The following SNAP25 variants were observed in gnomAD, a reference collection of about 807,000 sequenced individuals.
SNAP25 encodes synaptosome associated protein 25.
In SNAP25, 3 loss-of-function variants were observed where a neutral mutation model predicts 28.7. The observed-to-expected ratio is 0.10, with a 90% CI of 0.05 to 0.27. The LOEUF (loss-of-function observed/expected upper bound fraction) is 0.27. Among genes scored for constraint, SNAP25 ranks in the 10% least tolerant of loss-of-function variants. The pLI, the probability that SNAP25 is intolerant of heterozygous loss-of-function variation, is 1.00. For missense variants in SNAP25, 117 were observed against 278.7 expected, an observed-to-expected ratio of 0.42 and a Z score of 4.13; for synonymous variants, 61 against 88.1, an observed-to-expected ratio of 0.69 and a Z score of 1.72.
chr20:10,269,756 A>T (rs1053156644), intron 1 of SNAP25, among the ~76,000 whole-genome samples: 5 of 152,232 alleles, frequency 3.3e-5, no homozygotes, highest in Non-Finnish European at 7.4e-5. Context: ...GTAAAACTTT[A>T]TTTATGGACC....
chr20:10,268,474 C>G (rs978522740), intron 1 of SNAP25, among the ~76,000 whole-genome samples: 1 of 152,164 alleles, frequency 6.6e-6, no homozygotes, highest in African/African-American at 2.4e-5. Flanking sequence ...TTTCCTTATG[C>G]CTTTCCTGAG....
At chr20:10,296,795 A>T in intron 5 of SNAP25, 130 bp from the exon 6 acceptor site, 1 of 1,373,718 alleles carries the variant, frequency 7.3e-7, no homozygotes. Context: ...ATTATGATAT[A>T]TCGGTATTAT....
rs192657937 is a variant in SNAP25 at position 10,280,590 on chromosome 20, G to A, written c.114+2864G>A. Among the ~76,000 whole-genome samples, 12 of 152,278 alleles carry A rather than the reference G, an allele frequency of 7.9e-5. No homozygotes were observed. The East Asian group carries it at 1.2e-3, about 15-fold the overall frequency. ...GTAAGAGACTCATTAAGGTATCCTC[G>A]AGGAGGTAGTATTTAATTCCAGGAA... On this transcript the variant is annotated intron_variant, in intron 3 of 7. Coordinates refer to ENST00000254976, the MANE Select transcript of SNAP25 (RefSeq NM_130811.4).
chr20:10,294,553 C>T (rs2064066214), intron 5 of SNAP25, among the ~76,000 whole-genome samples: 1 of 152,148 alleles, frequency 6.6e-6, no homozygotes, highest in Non-Finnish European at 1.5e-5. Flanking sequence ...TAGTCTCCAT[C>T]CTCCTGCAAC....
chr20:10,279,119 G>A (rs574424400), intron 3 of SNAP25, among the ~76,000 whole-genome samples: 2 of 152,222 alleles, frequency 1.3e-5, no homozygotes, highest in Non-Finnish European at 2.9e-5. Context: ...GAATGCTGCT[G>A]CTCATGCAGA....
intron 4 of SNAP25, 83 bp downstream of exon 4, chr20:10,284,855 C>G: frequency 7.2e-6 from 8 of 1,108,380 alleles, no homozygotes; most frequent in Non-Finnish European, 1.1e-5. Flanking sequence ...CGCAGATGGT[C>G]GCTTTGACAT....
intron 1 of SNAP25, among the ~76,000 whole-genome samples, chr20:10,222,537 T>C: frequency 6.6e-6 from 1 of 152,144 alleles, no homozygotes; most frequent in East Asian, 1.9e-4. Context: ...TTGGAGGGAA[T>C]AGGCTGGGAT....
At position 10,306,410 on chromosome 20, in the gene SNAP25, G is replaced by T; in HGVS notation, c.*213G>T. 2 of 447,594 alleles carry T rather than the reference G, an allele frequency of 4.5e-6. No homozygotes were observed. The highest frequency in any genetic ancestry group is 8.0e-6 in the Non-Finnish European group (2 of 248,782). 27.7% of individuals were successfully genotyped at this position (447,594 alleles called of 1,614,324 possible). On this transcript the variant is annotated 3_prime_UTR_variant, in exon 8 of 8. Coordinates refer to ENST00000254976, the MANE Select transcript of SNAP25 (RefSeq NM_130811.4). ...TTCTTTCCAAAGGTTGTACATAGTG[G>T]TCATTTGGTGGCTCTAACTCCTTGA...
At chr20:10,234,883 A>G (rs909672319) in intron 1 of SNAP25, among the ~76,000 whole-genome samples, 8 of 152,202 alleles carry the variant, frequency 5.3e-5, no homozygotes, top group Non-Finnish European at 1.0e-4. Context: ...GTAAAATAAA[A>G]TAACATAAAA....
At chr20:10,224,122 G>C (rs1418602520) in intron 1 of SNAP25, among the ~76,000 whole-genome samples, 1 of 152,036 alleles carries the variant, frequency 6.6e-6, no homozygotes, top group Non-Finnish European at 1.5e-5. Flanking sequence ...TAAGTAACTT[G>C]TCGCAGAGCA....
intron 1 of SNAP25, among the ~76,000 whole-genome samples, chr20:10,263,457 C>A (rs2063455344): frequency 1.3e-5 from 2 of 152,150 alleles, no homozygotes; most frequent in African/African-American, 4.8e-5. Context: ...TGAATACATA[C>A]CAGCTTCCTT....
intron 1 of SNAP25, among the ~76,000 whole-genome samples, chr20:10,227,260 T>C (rs1177280079): frequency 6.6e-6 from 1 of 152,156 alleles, no homozygotes; most frequent in Non-Finnish European, 1.5e-5. Context: ...TGTAGTTACC[T>C]ACTTATGTAT....
At chr20:10,294,539 C>T (rs1274834786) in intron 5 of SNAP25, among the ~76,000 whole-genome samples, 1 of 152,148 alleles carries the variant, frequency 6.6e-6, no homozygotes, top group Non-Finnish European at 1.5e-5. Context: ...TGCATTGTCT[C>T]ACTTAGTCTC....
chr20:10,243,074 C>T (rs1313986890), intron 1 of SNAP25, among the ~76,000 whole-genome samples: 1 of 152,174 alleles, frequency 6.6e-6, no homozygotes, highest in African/African-American at 2.4e-5. Flanking sequence ...CTGGCTTTAC[C>T]GTTCAGCTGT....
Position 10,244,948 on chromosome 20 carries a change from C to T in SNAP25, c.-64+25971C>T, listed in dbSNP as rs536575825. Among the ~76,000 whole-genome samples, 8 of 152,188 alleles carry T rather than the reference C, an allele frequency of 5.3e-5. No homozygotes were observed. In the East Asian group the frequency reaches 1.6e-3, roughly 30 times the overall value. On this transcript the variant is annotated intron_variant, in intron 1 of 7. Coordinates refer to ENST00000254976, the MANE Select transcript of SNAP25 (RefSeq NM_130811.4). ...GTTTCACCGTCTTGGTCAGGCTTGT[C>T]TCGAACTCCTGACCTCAGGTGATCC...
At chr20:10,264,985 G>A (rs570119483) in intron 1 of SNAP25, among the ~76,000 whole-genome samples, 2 of 149,262 alleles carry the variant, frequency 1.3e-5, no homozygotes, top group Non-Finnish European at 3.0e-5. Context: ...GCAGTGGCGC[G>A]ATCTCGGCTT....
chr20:10,284,771 A>G lies in SNAP25; in HGVS notation c.162A>G (p.Gly54=). The change falls in exon 4 of 8, where the codon GGA becomes GGG. Residue 54 remains glycine, a splice_region_variant and synonymous_variant. Coordinates refer to ENST00000254976, the MANE Select transcript of SNAP25 (RefSeq NM_130811.4). ...IRTLVMLDEQ[G]EQLERIEEGM... is the part of the protein sequence containing the mutation. ...CTTTGGTTATGTTGGATGAACAAGG[A>G]GGTAAGTTCAGATTTCTTCAGTAAG... The G allele has an allele frequency of 6.2e-7, 1 of 1,611,070 alleles. No homozygotes were observed.
At chr20:10,269,946 C>T (rs1371371648) in intron 1 of SNAP25, among the ~76,000 whole-genome samples, 3 of 152,202 alleles carry the variant, frequency 2.0e-5, no homozygotes, top group African/African-American at 7.2e-5. Flanking sequence ...CCCCTTGTTT[C>T]CCACTCTATA....
intron 1 of SNAP25, among the ~76,000 whole-genome samples, chr20:10,231,050 G>A (rs1439208611): frequency 3.9e-5 from 6 of 152,052 alleles, no homozygotes; most frequent in Non-Finnish European, 8.8e-5. Context: ...CCAGCCCATA[G>A]CCTCTGAAGG....
Sources: gnomAD v4.1 joint callset for allele counts (sites outside exome capture counted in the v4.1 genomes callset) on GRCh38, gnomAD v4.1.1 for gene constraint, MANE v1.5 for transcripts, NCBI Gene and HGNC (gene_info 2026-07-23, HGNC 2026-07-21) for gene names.